Variants in THSD7A observed in about 807,000 individuals in gnomAD.
THSD7A encodes the protein thrombospondin type-1 domain-containing protein 7A.
A neutral mutation model predicts 231.3 loss-of-function variants in THSD7A; 96 were observed. The observed-to-expected ratio is 0.41, with a 90% CI of 0.35 to 0.49. The LOEUF (loss-of-function observed/expected upper bound fraction) is 0.49, where lower values mean the gene tolerates loss of function less well. Ranked by LOEUF, THSD7A falls within the 20% of genes least tolerant of loss-of-function variation. THSD7A has a pLI of 0.05. For missense variants in THSD7A, 2,290 were observed against 2,070.2 expected (o/e 1.11, Z -2.06); for synonymous variants, 940 against 743.3 (o/e 1.26, Z -4.30).
At chr7:11,793,696 A>G (rs1402475464) in intron 1 of THSD7A, among the ~76,000 whole-genome samples, 4 of 151,866 alleles carry the variant, frequency 2.6e-5, no homozygotes, top group Admixed American at 2.6e-4. Context: ...GGTATACTAT[A>G]TTTTTCAATT....
At chr7:11,662,494 G>A (rs1245319214) in intron 1 of THSD7A, among the ~76,000 whole-genome samples, 1 of 151,278 alleles carries the variant, frequency 6.6e-6, no homozygotes, top group Non-Finnish European at 1.5e-5. Flanking sequence ...TTAACTAATA[G>A]AAGTAAAGAA....
chr7:11,402,058 T>A, intron 22 of THSD7A, 90 bp from the exon 23 acceptor site: 1 of 1,054,216 alleles, frequency 9.5e-7, no homozygotes, highest in Non-Finnish European at 1.4e-6. Flanking sequence ...GTAGGCAATG[T>A]TTCTGGTATC....
At chr7:11,806,017 C>T (rs78866345) in intron 1 of THSD7A, among the ~76,000 whole-genome samples, 51 of 152,134 alleles carry the variant, frequency 3.4e-4, no homozygotes, top group Non-Finnish European at 5.9e-4. Flanking sequence ...TTATTTTGAC[C>T]TTCATTAACA....
At chr7:11,722,494 A>C (rs1043948966) in intron 1 of THSD7A, among the ~76,000 whole-genome samples, 2 of 151,850 alleles carry the variant, frequency 1.3e-5, no homozygotes, top group African/African-American at 4.8e-5. Context: ...CACATGACTC[A>C]TGACTCAACT....
At chr7:11,503,866 G>A (rs560768860) in intron 6 of THSD7A, among the ~76,000 whole-genome samples, 5 of 152,284 alleles carry the variant, frequency 3.3e-5, no homozygotes, top group East Asian at 1.9e-4. Context: ...TGGTAGAAGC[G>A]TAAATTAGTT....
At chr7:11,725,101 T>C (rs900893227) in intron 1 of THSD7A, among the ~76,000 whole-genome samples, 1 of 151,940 alleles carries the variant, frequency 6.6e-6, no homozygotes, top group Non-Finnish European at 1.5e-5. Flanking sequence ...TAAGATTCAT[T>C]CAAAAAATAA....
intron 19 of THSD7A, among the ~76,000 whole-genome samples, chr7:11,408,446 T>G (rs1338063410): frequency 1.3e-5 from 2 of 149,932 alleles, no homozygotes; most frequent in African/African-American, 4.9e-5. Context: ...TGCAGTGAGC[T>G]GAGATGGCAC....
At chr7:11,824,621 C>T (rs1784972446) in intron 1 of THSD7A, among the ~76,000 whole-genome samples, 2 of 152,096 alleles carry the variant, frequency 1.3e-5, no homozygotes, top group Admixed American at 6.6e-5. Flanking sequence ...CAGTTAAAGC[C>T]TCATACAATT....
intron 6 of THSD7A, among the ~76,000 whole-genome samples, chr7:11,506,864 T>A (rs1476540313): frequency 6.8e-6 from 1 of 146,012 alleles, no homozygotes; most frequent in African/African-American, 2.5e-5. Context: ...TCACTCTCCA[T>A]CACCGTACCC....
At chr7:11,738,701 A>T (rs1014674429) in intron 1 of THSD7A, among the ~76,000 whole-genome samples, 1 of 152,036 alleles carries the variant, frequency 6.6e-6, no homozygotes, top group Non-Finnish European at 1.5e-5. Flanking sequence ...AAGAGGTCAG[A>T]CAGGGAGATT....
At chr7:11,766,167 G>A (rs1783023355) in intron 1 of THSD7A, among the ~76,000 whole-genome samples, 1 of 152,114 alleles carries the variant, frequency 6.6e-6, no homozygotes, top group African/African-American at 2.4e-5. Context: ...ACCTTTTCAA[G>A]ATGAATGGTG....
intron 1 of THSD7A, among the ~76,000 whole-genome samples, chr7:11,792,103 T>A (rs1270383403): frequency 6.6e-6 from 1 of 151,980 alleles, no homozygotes; most frequent in Non-Finnish European, 1.5e-5. Flanking sequence ...TGTCTCTTCC[T>A]CTCCCTCCAT....
At chr7:11,542,862 A>G in intron 5 of THSD7A, 100 bp downstream of exon 5, 1 of 1,330,420 alleles carries the variant, frequency 7.5e-7, no homozygotes, top group Non-Finnish European at 1.0e-6. Flanking sequence ...CCATTCTGGA[A>G]AATACCACAA....
At chr7:11,623,056 T>G (rs1192528767) in intron 2 of THSD7A, among the ~76,000 whole-genome samples, 1 of 152,210 alleles carries the variant, frequency 6.6e-6, no homozygotes, top group African/African-American at 2.4e-5. Context: ...TATCCTTCAG[T>G]GCTTTATACT....
At chr7:11,723,174 T>C (rs1781419710) in intron 1 of THSD7A, among the ~76,000 whole-genome samples, 1 of 151,858 alleles carries the variant, frequency 6.6e-6, no homozygotes, top group Non-Finnish European at 1.5e-5. Flanking sequence ...ATGCCCTTTG[T>C]AGGGACATGG....
At chr7:11,581,500 T>A (rs140234511) in intron 4 of THSD7A, among the ~76,000 whole-genome samples, 2 of 152,176 alleles carry the variant, frequency 1.3e-5, no homozygotes, top group East Asian at 3.9e-4. Context: ...ATTAGCAAAC[T>A]GGGAAAAACT....
chr7:11,429,792 C>T (rs980550657), intron 13 of THSD7A, among the ~76,000 whole-genome samples: 3 of 152,122 alleles, frequency 2.0e-5, no homozygotes, highest in Non-Finnish European at 2.9e-5. Context: ...AAATGCAGAG[C>T]GATGACTGAC....
intron 17 of THSD7A, among the ~76,000 whole-genome samples, chr7:11,414,813 T>C (rs1438972501): frequency 6.6e-6 from 1 of 152,232 alleles, no homozygotes; most frequent in Non-Finnish European, 1.5e-5. Flanking sequence ...TGTTTTGACA[T>C]AATGTGTATT....
At chr7:11,629,407 G>C (rs144052630) in intron 2 of THSD7A, among the ~76,000 whole-genome samples, 2 of 152,152 alleles carry the variant, frequency 1.3e-5, no homozygotes, top group African/African-American at 4.8e-5. Context: ...GCAAGCTTGC[G>C]AGACGTGATG....
Sources: allele counts gnomAD v4.1 joint callset (sites outside exome capture counted in the v4.1 genomes callset), GRCh38; gene constraint gnomAD v4.1.1; transcripts MANE v1.5; gene names NCBI Gene and HGNC (gene_info 2026-07-23, HGNC 2026-07-21).